The following SI variants were observed in gnomAD, a reference collection of about 807,000 sequenced individuals.
SI encodes sucrase-isomaltase.
In SI, 235 loss-of-function variants were observed where a neutral mutation model predicts 253.3. The ratio of observed to expected loss-of-function variants is 0.93; its 90% CI spans 0.83 to 1.03. The LOEUF is 1.03. Among genes scored for constraint, SI ranks in the 50% least tolerant of loss-of-function variants. The pLI is 0.00. For synonymous variants in SI, 819 were observed against 712.0 expected (o/e 1.15, Z -2.39); for missense variants, 2,442 against 2,211.1 (o/e 1.10, Z -2.09).
chr3:165,000,234 A>G (rs930010170), intron 37 of SI, among the ~76,000 whole-genome samples: 1 of 151,190 alleles, frequency 6.6e-6, no homozygotes, highest in Non-Finnish European at 1.5e-5. Flanking sequence ...TTTTTTCTCT[A>G]TTATATATCT....
At chr3:165,046,119 C>A (rs1462820732) in intron 16 of SI, among the ~76,000 whole-genome samples, 3 of 151,908 alleles carry the variant, frequency 2.0e-5, no homozygotes, top group African/African-American at 7.3e-5. Flanking sequence ...GAGTGAGCCA[C>A]CTTGTCCAGC....
intron 17 of SI, 123 bp from the exon 18 acceptor site, chr3:165,041,217 A>T (rs1228590123): frequency 1.3e-6 from 1 of 791,250 alleles, no homozygotes; most frequent in East Asian, 2.5e-5. Context: ...TGAGAAATTA[A>T]AATTATTCCT....
chr3:165,016,151 C>T, intron 31 of SI, 71 bp from the exon 32 acceptor site: 1 of 1,354,148 alleles, frequency 7.4e-7, no homozygotes, highest in South Asian at 1.2e-5. Context: ...TTTTATCATA[C>T]TTATAAAAGT....
intron 37 of SI, among the ~76,000 whole-genome samples, chr3:165,006,542 G>A (rs1293052810): frequency 6.6e-6 from 1 of 152,080 alleles, no homozygotes; most frequent in African/African-American, 2.4e-5. Flanking sequence ...CAATTGGCCA[G>A]GCACTATGCT....
chr3:165,045,041 G>A (rs866097097), intron 16 of SI, among the ~76,000 whole-genome samples: 1 of 151,810 alleles, frequency 6.6e-6, no homozygotes, highest in African/African-American at 2.4e-5. Context: ...TACATGCATG[G>A]GCCTGTGTCT....
chr3:164,990,168 G>A (rs1223615194), intron 44 of SI, among the ~76,000 whole-genome samples: 3 of 152,038 alleles, frequency 2.0e-5, no homozygotes, highest in Admixed American at 1.3e-4. Flanking sequence ...ATGTGTGGGC[G>A]AGCAGGGGGT....
intron 19 of SI, 50 bp from the exon 20 acceptor site, chr3:165,039,184 G>A (rs767632224): frequency 1.6e-6 from 2 of 1,266,518 alleles, no homozygotes; most frequent in Admixed American, 3.6e-5. Flanking sequence ...TAACAAGGAG[G>A]ATCTTATCAA....
intron 37 of SI, among the ~76,000 whole-genome samples, chr3:164,999,952 A>G (rs908437466): frequency 9.2e-5 from 14 of 151,566 alleles, no homozygotes; most frequent in African/African-American, 3.4e-4. Flanking sequence ...ATTTTTTCAT[A>G]ACAAATATAA....
At chr3:165,041,478 G>T (rs1483971725) in intron 17 of SI, among the ~76,000 whole-genome samples, 1 of 151,952 alleles carries the variant, frequency 6.6e-6, no homozygotes, top group Non-Finnish European at 1.5e-5. Flanking sequence ...CTTCGATGTG[G>T]CGCTCAGTCA....
rs150297357 is a variant in SI, at chr3:165,019,608, G to C, written c.3417C>G (p.Pro1139=). The stretch of plus-strand genomic sequence containing the variant: ...GTCATATGTTGGTACCTACACCAGG[G>C]GGTTGGTCTCTTGTGAACATTCCCC... The part of the protein sequence containing the change: ...NTWGMFTRDQ[P]PGYKLNSYGF... Residue 1139 remains proline (P), a synonymous_variant, in exon 28 of 48, where the codon CCC becomes CCG. Transcript: ENST00000264382. 6.2e-6 allele frequency: 10 copies of C among 1,612,040 alleles called. No individual in the cohort carries two copies. In the African/African-American group the frequency reaches 1.2e-4, roughly 19 times the overall value.
At chr3:165,065,203 G>A in intron 7 of SI, 58 bp downstream of exon 7, 1 of 1,121,708 alleles carries the variant, frequency 8.9e-7, no homozygotes, top group Non-Finnish European at 1.3e-6. Flanking sequence ...AATATGCTAA[G>A]ATTTTCATCT....
chr3:165,059,901 C>T lies in SI; in HGVS notation c.1146+1G>A, dbSNP rs776450537. On this transcript the variant is annotated splice_donor_variant, in intron 10 of 47. Coordinates refer to ENST00000264382, the MANE Select transcript of SI (RefSeq NM_001041.4). LOFTEE classifies it high-confidence loss of function. ...TCCCACGGACCCTTTATTCTACTTA[C>T]AAATGGTATGCCAGCTTCCCGGTTT... is the stretch of plus-strand genomic sequence containing the variant. 1.9e-6 allele frequency: 3 copies of T among 1,611,034 alleles called. No individual in the cohort carries two copies. Among genetic ancestry groups the T allele is most frequent in the Non-Finnish European group, 8.5e-7 (1 of 1,177,738 alleles).
chr3:165,055,618 A>G (rs1713659379), intron 12 of SI, among the ~76,000 whole-genome samples: 1 of 151,986 alleles, frequency 6.6e-6, no homozygotes, highest in African/African-American at 2.4e-5. Context: ...CATACACAAT[A>G]AATATTCTAT....
At chr3:165,059,122 A>C in intron 11 of SI, 40 bp from the exon 12 acceptor site, 1 of 1,556,868 alleles carries the variant, frequency 6.4e-7, no homozygotes, top group Non-Finnish European at 8.7e-7. Context: ...CTATTAACTT[A>C]CACGTGTAAA....
intron 12 of SI, among the ~76,000 whole-genome samples, chr3:165,056,985 G>T (rs1373206610): frequency 6.6e-6 from 1 of 151,856 alleles, no homozygotes; most frequent in African/African-American, 2.4e-5. Context: ...TTCACAAAAC[G>T]AACTAAATAA....
Position 165,000,809 on chromosome 3 carries a change from C to T in SI, c.4407-2136G>A, listed in dbSNP as rs940052984. On this transcript the variant is annotated intron_variant, in intron 37 of 47. Transcript: ENST00000264382. The stretch of plus-strand genomic sequence containing the variant: ...CTTAGTTTAAGTTATTCTTGAGAAA[C>T]AGCTTTAAGCCAGAAGAGTTTGTTC... Among the ~76,000 whole-genome samples the T allele has an allele frequency of 2.6e-5, 4 of 151,366 alleles. No individual in the cohort carries two copies. In the Admixed American group the frequency reaches 2.6e-4, roughly 10 times the overall value.
intron 28 of SI, 50 bp downstream of exon 28, chr3:165,019,552 C>G: frequency 6.5e-7 from 1 of 1,547,884 alleles, no homozygotes. Context: ...GGCTTGGATT[C>G]TACTCATGGT....
At chr3:165,047,265 G>A (rs773490738) in intron 15 of SI, among the ~76,000 whole-genome samples, 2 of 152,004 alleles carry the variant, frequency 1.3e-5, no homozygotes, top group African/African-American at 2.4e-5. Flanking sequence ...GAGATCTGAC[G>A]GTTTTAAAGA....
At chr3:165,009,234 G>T in intron 35 of SI, 45 bp downstream of exon 35, 1 of 1,306,886 alleles carries the variant, frequency 7.7e-7, no homozygotes, top group Non-Finnish European at 1.1e-6. Flanking sequence ...CATAATCACT[G>T]CACAATAAAT....
Sources: gnomAD v4.1 joint callset for allele counts (sites outside exome capture counted in the v4.1 genomes callset) on GRCh38, gnomAD v4.1.1 for gene constraint, MANE v1.5 for transcripts, NCBI Gene and HGNC (gene_info 2026-07-23, HGNC 2026-07-21) for gene names.